NELL1: variants seen among roughly 807,000 people sequenced by gnomAD.
NELL1 encodes the protein protein kinase C-binding protein NELL1.
NELL1 carries 76 observed loss-of-function variants against 107.4 expected under a neutral mutation model. The observed-to-expected ratio is 0.71, with a 90% CI of 0.59 to 0.86. The LOEUF (loss-of-function observed/expected upper bound fraction) is 0.86. Ranked by LOEUF, NELL1 falls within the 40% of genes least tolerant of loss-of-function variation. NELL1 has a pLI of 0.00. For synonymous variants in NELL1, 353 were observed against 341.2 expected (o/e 1.03, Z -0.38); for missense variants, 1,024 against 1,005.5 (o/e 1.02, Z -0.25).
At chr11:20,685,976 T>C (rs1307747087) in intron 2 of NELL1, among the ~76,000 whole-genome samples, 1 of 150,846 alleles carries the variant, frequency 6.6e-6, no homozygotes, top group Non-Finnish European at 1.5e-5. Flanking sequence ...ATACGTCTCT[T>C]AATGTATTCA....
At chr11:21,317,116 GTTTAT>G (rs1181276313) in intron 14 of NELL1, among the ~76,000 whole-genome samples, 2 of 151,942 alleles carry the variant, frequency 1.3e-5, no homozygotes, top group African/African-American at 2.4e-5. Flanking sequence ...CATATATAGT[GTTTAT>G]TTTAAGTAGA....
intron 4 of NELL1, among the ~76,000 whole-genome samples, chr11:20,849,293 G>C (rs112952362): frequency 6.6e-6 from 1 of 152,154 alleles, no homozygotes; most frequent in African/African-American, 2.4e-5. Context: ...GCAGTTTTTT[G>C]TTTCTTCCTT....
chr11:20,810,370 C>T (rs1564918335), intron 3 of NELL1, among the ~76,000 whole-genome samples: 2 of 152,090 alleles, frequency 1.3e-5, no homozygotes, highest in Non-Finnish European at 2.9e-5. Flanking sequence ...TCCCTCACCC[C>T]CTCTCACTCG....
intron 2 of NELL1, among the ~76,000 whole-genome samples, chr11:20,704,416 T>C (rs1283082249): frequency 6.6e-6 from 1 of 152,140 alleles, no homozygotes; most frequent in Admixed American, 6.6e-5. Flanking sequence ...GTGAGATGGG[T>C]CTCCTGAACA....
At chr11:21,206,181 T>C (rs1857386216) in intron 13 of NELL1, among the ~76,000 whole-genome samples, 1 of 152,194 alleles carries the variant, frequency 6.6e-6, no homozygotes, top group African/African-American at 2.4e-5. Context: ...GGTCATACTC[T>C]CTCCAAAGGC....
intron 3 of NELL1, among the ~76,000 whole-genome samples, chr11:20,828,218 G>T (rs1458549554): frequency 6.6e-6 from 1 of 151,242 alleles, no homozygotes; most frequent in Non-Finnish European, 1.5e-5. Flanking sequence ...GACAATGTCT[G>T]GCACATAGGC....
chr11:20,990,011 AG>A (rs1851938306), intron 12 of NELL1, among the ~76,000 whole-genome samples: 1 of 151,640 alleles, frequency 6.6e-6, no homozygotes, highest in South Asian at 2.1e-4. Flanking sequence ...AAAAAAAAAA[AG>A]AAATTCCAGT....
intron 15 of NELL1, among the ~76,000 whole-genome samples, chr11:21,414,407 G>A (rs1852453296): frequency 6.6e-6 from 1 of 152,042 alleles, no homozygotes; most frequent in Non-Finnish European, 1.5e-5. Context: ...ATTTGCATAT[G>A]TGTATATACA....
chr11:21,523,483 C>T (rs909957159), intron 15 of NELL1, among the ~76,000 whole-genome samples: 2 of 152,162 alleles, frequency 1.3e-5, no homozygotes. Flanking sequence ...TGTTCCTCTT[C>T]CTGTGTAAGC....
rs532706965 is a variant in NELL1, at chr11:20,926,867, G to T, written c.760-441G>T. On this transcript the variant is annotated intron_variant, in intron 7 of 19. Transcript: ENST00000357134. ...ACAGAAGGCAGTGACTTCCTAGTTT[G>T]TAAACCACGACATTCTAGTTAGTGT... Among the ~76,000 whole-genome samples, 3 of 152,224 alleles carry T rather than the reference G, an allele frequency of 2.0e-5. No individual in the cohort carries two copies. In the South Asian group the frequency reaches 6.2e-4, roughly 32 times the overall value.
At chr11:21,084,925 C>T (rs77958982) in intron 12 of NELL1, among the ~76,000 whole-genome samples, 4,719 of 152,162 alleles carry the variant, frequency 0.031, 163 homozygotes, top group South Asian at 0.12. Context: ...CCTAGCTTTG[C>T]CATTTATTAG....
rs71034518 is a variant in NELL1, at chr11:21,404,005, ACCC to A, written c.1645+33066_1645+33068del. Reference sequence around the variant, plus strand: ...CGGAAAATATCTCTGTCATTCCTGAACCCCCCCCCCCGCAATCAAAACCACTGG... The same window carrying A: ...CGGAAAATATCTCTGTCATTCCTGAACCCCCCCCGCAATCAAAACCACTGG... On this transcript the variant is annotated intron_variant, in intron 15 of 19. Coordinates refer to ENST00000357134, the MANE Select transcript of NELL1 (RefSeq NM_006157.5). 1.3e-3 allele frequency among the ~76,000 whole-genome samples: 68 copies of A among 50,958 alleles called. 1 individual carries two copies. The highest frequency in any genetic ancestry group is 0.015 in the Middle Eastern group (1 of 68). The allele number at this position is 50,958 out of a possible 152,430, so 33.4% of individuals were successfully genotyped here.
intron 12 of NELL1, among the ~76,000 whole-genome samples, chr11:21,043,075 G>A (rs886862047): frequency 6.6e-6 from 1 of 152,098 alleles, no homozygotes; most frequent in African/African-American, 2.4e-5. Context: ...AAGGGGGCAT[G>A]GCTATGAAAA....
chr11:20,949,381 A>G (rs909808055), intron 11 of NELL1, among the ~76,000 whole-genome samples: 9 of 152,184 alleles, frequency 5.9e-5, no homozygotes, highest in Non-Finnish European at 8.8e-5. Flanking sequence ...ATCTGCTTTC[A>G]TGGCTATATT....
intron 14 of NELL1, among the ~76,000 whole-genome samples, chr11:21,312,524 GCTTCAGTACCTTA>G (rs1405396738): frequency 6.6e-6 from 1 of 152,108 alleles, no homozygotes; most frequent in East Asian, 1.9e-4. Flanking sequence ...CCAGACACTG[GCTTCAGTACCTTA>G]CATTTTCTCA....
intron 3 of NELL1, among the ~76,000 whole-genome samples, chr11:20,801,960 G>C (rs987429702): frequency 1.3e-5 from 2 of 152,172 alleles, no homozygotes; most frequent in African/African-American, 4.8e-5. Flanking sequence ...TTTTATGCCA[G>C]TGCCATGCCA....
intron 15 of NELL1, among the ~76,000 whole-genome samples, chr11:21,417,048 G>A (rs1046245211): frequency 2.6e-5 from 4 of 151,896 alleles, no homozygotes; most frequent in African/African-American, 9.7e-5. Flanking sequence ...CACAAACCAA[G>A]GCAGCATGGC....
intron 14 of NELL1, chr11:21,284,498 G>A (rs780856922): frequency 1.2e-4 from 53 of 459,586 alleles, no homozygotes; most frequent in South Asian, 8.1e-4. Context: ...GTGCTGTGGG[G>A]GAGGTGGCAT....
At chr11:21,279,875 T>C (rs1294474700) in intron 14 of NELL1, among the ~76,000 whole-genome samples, 1 of 152,174 alleles carries the variant, frequency 6.6e-6, no homozygotes, top group Non-Finnish European at 1.5e-5. Context: ...TGGAATATTG[T>C]TCTATGCCAA....
Sources: allele counts gnomAD v4.1 joint callset (sites outside exome capture counted in the v4.1 genomes callset), GRCh38; gene constraint gnomAD v4.1.1; transcripts MANE v1.5; gene names NCBI Gene and HGNC (gene_info 2026-07-23, HGNC 2026-07-21).